MTHFD1L: variants seen among roughly 807,000 people sequenced by gnomAD.
MTHFD1L encodes monofunctional C1-tetrahydrofolate synthase, mitochondrial.
MTHFD1L carries 81 observed loss-of-function variants against 119.5 expected under a neutral mutation model. The observed-to-expected ratio is 0.68, with a 90% CI of 0.57 to 0.82. The LOEUF (loss-of-function observed/expected upper bound fraction) is 0.82, where lower values mean the gene tolerates loss of function less well. Ranked by LOEUF, MTHFD1L falls within the 40% of genes least tolerant of loss-of-function variation. MTHFD1L has a pLI of 0.00. For missense variants in MTHFD1L, 1,125 were observed against 1,253.4 expected, an observed-to-expected ratio of 0.90 and a Z score of 1.55; for synonymous variants, 430 against 475.2, an observed-to-expected ratio of 0.90 and a Z score of 1.24.
intron 20 of MTHFD1L, among the ~76,000 whole-genome samples, chr6:151,008,338 G>T (rs565555559): frequency 6.6e-6 from 1 of 152,278 alleles, no homozygotes; most frequent in African/African-American, 2.4e-5. Flanking sequence ...TGGTCATACC[G>T]TCAGCATATA....
At chr6:151,070,725 G>T (rs1400402523) in intron 26 of MTHFD1L, among the ~76,000 whole-genome samples, 1 of 152,232 alleles carries the variant, frequency 6.6e-6, no homozygotes, top group African/African-American at 2.4e-5. Flanking sequence ...CAGCTGGCCA[G>T]ATTTGCTGTG....
At chr6:150,949,283 A>G (rs866584244) in intron 16 of MTHFD1L, 150 bp downstream of exon 16, 23 of 649,862 alleles carry the variant, frequency 3.5e-5, no homozygotes, top group Admixed American at 8.1e-5. Flanking sequence ...TTCAGTTACT[A>G]TTATCGTACC....
At chr6:151,071,731 A>G (rs945106621) in intron 26 of MTHFD1L, among the ~76,000 whole-genome samples, 1 of 152,154 alleles carries the variant, frequency 6.6e-6, no homozygotes, top group African/African-American at 2.4e-5. Flanking sequence ...TTGTTGCTCA[A>G]TTTATAAACC....
chr6:150,928,460 A>C (rs2128915821), intron 11 of MTHFD1L, among the ~76,000 whole-genome samples: 10 of 141,520 alleles, frequency 7.1e-5, no homozygotes, highest in African/African-American at 8.0e-5. Context: ...AAAAAAAATC[A>C]CCTCTTTAAT....
chr6:151,021,060 GC>G (rs1783876847), intron 24 of MTHFD1L, among the ~76,000 whole-genome samples: 1 of 152,194 alleles, frequency 6.6e-6, no homozygotes, highest in Non-Finnish European at 1.5e-5. Flanking sequence ...ACAGGCTAAA[GC>G]TTTGGGATCA....
intron 27 of MTHFD1L, among the ~76,000 whole-genome samples, chr6:151,096,438 C>T (rs924008201): frequency 6.6e-6 from 1 of 152,158 alleles, no homozygotes; most frequent in Non-Finnish European, 1.5e-5. Flanking sequence ...GATAAAACCA[C>T]TATACAAAGC....
In MTHFD1L at chr6:150,938,696, T is replaced by TA; in HGVS notation, c.1394-2dup. Reference sequence around the variant, plus strand: ...TTGAAATGCCTCTTGCTCTGTTGTTTAGGAGGAGCCGCGGGTGGTGGATAT... The same window carrying TA: ...TTGAAATGCCTCTTGCTCTGTTGTTTAAGGAGGAGCCGCGGGTGGTGGATAT... On this transcript the variant is annotated splice_region_variant and splice_polypyrimidine_tract_variant and intron_variant, in intron 12 of 27. Coordinates refer to ENST00000367321, the MANE Select transcript of MTHFD1L (RefSeq NM_015440.5). The TA allele has an allele frequency of 6.2e-7, 1 of 1,610,046 alleles. No homozygotes were observed. The highest frequency in any genetic ancestry group is 8.5e-7 in the Non-Finnish European group (1 of 1,178,558).
intron 26 of MTHFD1L, chr6:151,088,306 C>T (rs1436116287): frequency 6.6e-6 from 1 of 152,132 alleles, no homozygotes; most frequent in Admixed American, 6.5e-5. Context: ...TAAGTAGCTG[C>T]ACTTCTTGGA....
chr6:151,053,609 C>T (rs1157277112), intron 26 of MTHFD1L, among the ~76,000 whole-genome samples: 1 of 152,136 alleles, frequency 6.6e-6, no homozygotes, highest in African/African-American at 2.4e-5. Context: ...CCTATAATCT[C>T]AGCACTTTGG....
chr6:150,965,061 A>T, intron 19 of MTHFD1L, 24 bp downstream of exon 19: 2 of 1,605,228 alleles, frequency 1.2e-6, no homozygotes, highest in Non-Finnish European at 1.7e-6. Context: ...TTCTTATAGT[A>T]ATTGTTTGCA....
chr6:150,885,635 G>A lies in MTHFD1L; in HGVS notation c.544G>A (p.Val182Ile). 1 of 1,613,194 alleles carries A rather than the reference G, an allele frequency of 6.2e-7. No individual in the cohort carries two copies. The highest frequency in any genetic ancestry group is 1.1e-5 in the South Asian group (1 of 90,972). The change falls in exon 6 of 28, where the codon GTA becomes ATA. Residue 182 changes from valine to isoleucine, a missense_variant and splice_region_variant. Physicochemically the swap from Val to Ile is conservative, Grantham distance 29. Transcript: ENST00000367321. ...CTACTTCTTTATTTTCTGATTCAGA[G>A]TAACAGACATAAACCTGGGGAAGCT... is the stretch of plus-strand genomic sequence containing the variant. ...ALKPEKDVDG[V>I]TDINLGKLVR...
intron 26 of MTHFD1L, among the ~76,000 whole-genome samples, chr6:151,063,340 C>A (rs917135034): frequency 2.6e-5 from 4 of 152,090 alleles, no homozygotes; most frequent in Admixed American, 6.6e-5. Flanking sequence ...TAGTCTCTCT[C>A]TCTATATATA....
chr6:150,866,238 G>C, intron 1 of MTHFD1L, 189 bp downstream of exon 1: 1 of 1,397,880 alleles, frequency 7.2e-7, no homozygotes. Flanking sequence ...CGCTGGCGGA[G>C]AACGGGGGAT....
intron 11 of MTHFD1L, among the ~76,000 whole-genome samples, chr6:150,932,819 G>GGAGGAAGGAAGGA (rs1334396977): frequency 1.9e-4 from 24 of 123,410 alleles, no homozygotes; most frequent in Non-Finnish European, 3.1e-4. Context: ...AGGGAGGGAG[G>GGAGGAAGGAAGGA]AAGGAAGGAA....
intron 21 of MTHFD1L, among the ~76,000 whole-genome samples, chr6:151,012,040 A>AC (rs1782340309): frequency 6.8e-6 from 1 of 146,076 alleles, no homozygotes; most frequent in Non-Finnish European, 1.5e-5. Flanking sequence ...AAAAAAAAAA[A>AC]AAAAAAAAAA....
chr6:151,042,709 A>G (rs767392815), intron 26 of MTHFD1L, among the ~76,000 whole-genome samples: 39 of 152,260 alleles, frequency 2.6e-4, no homozygotes, highest in Non-Finnish European at 2.9e-5. Context: ...AGCAAAGTAT[A>G]TGAAACAATA....
intron 20 of MTHFD1L, among the ~76,000 whole-genome samples, chr6:150,992,392 C>T (rs1687453828): frequency 6.6e-6 from 1 of 152,126 alleles, no homozygotes; most frequent in Non-Finnish European, 1.5e-5. Flanking sequence ...AGTCTGAAAA[C>T]CTGATCTGCA....
chr6:151,099,300 G>A (rs1367944398), intron 27 of MTHFD1L, among the ~76,000 whole-genome samples: 1 of 151,898 alleles, frequency 6.6e-6, no homozygotes, highest in Non-Finnish European at 1.5e-5. Context: ...GGAAGGCCTT[G>A]TCCAGCCTTG....
At chr6:151,099,326 G>A (rs1457203568) in intron 27 of MTHFD1L, among the ~76,000 whole-genome samples, 1 of 152,036 alleles carries the variant, frequency 6.6e-6, no homozygotes, top group African/African-American at 2.4e-5. Flanking sequence ...CCAAGCCAAG[G>A]GTCATCTCTA....
Sources: gnomAD v4.1 joint callset for allele counts (sites outside exome capture counted in the v4.1 genomes callset) on GRCh38, gnomAD v4.1.1 for gene constraint, MANE v1.5 for transcripts, NCBI Gene and HGNC (gene_info 2026-07-23, HGNC 2026-07-21) for gene names.